The following TMEM132C variants were observed in gnomAD, a reference collection of about 807,000 sequenced individuals.
TMEM132C encodes transmembrane protein 132C.
A neutral mutation model predicts 61.4 loss-of-function variants in TMEM132C; 29 were observed. The observed-to-expected ratio is 0.47, with a 90% CI of 0.35 to 0.64. TMEM132C has a LOEUF of 0.64. Among genes scored for constraint, TMEM132C ranks in the 30% least tolerant of loss-of-function variants. The probability of loss-of-function intolerance (pLI) is 0.00; values close to 1 mark genes in which losing one functional copy is unlikely to be tolerated. For synonymous variants in TMEM132C, 656 were observed against 633.1 expected, an observed-to-expected ratio of 1.04 and a Z score of -0.54; for missense variants, 1,408 against 1,476.9, an observed-to-expected ratio of 0.95 and a Z score of 0.76.
At chr12:128,398,345 ACACT>A (rs1452295388) in intron 1 of TMEM132C, among the ~76,000 whole-genome samples, 1 of 152,218 alleles carries the variant, frequency 6.6e-6, no homozygotes, top group African/African-American at 2.4e-5. Context: ...CCAAGGACTG[ACACT>A]CTCTCTCCGC....
At chr12:128,642,659 C>T (rs1263869387) in intron 4 of TMEM132C, among the ~76,000 whole-genome samples, 1 of 152,204 alleles carries the variant, frequency 6.6e-6, no homozygotes, top group African/African-American at 2.4e-5. Flanking sequence ...CTTTCTGAGG[C>T]TTCCCCAGAG....
chr12:128,424,506 A>T (rs1004717024), intron 2 of TMEM132C, among the ~76,000 whole-genome samples: 11 of 151,486 alleles, frequency 7.3e-5, no homozygotes, highest in South Asian at 2.1e-4. Flanking sequence ...GAATCCATTT[A>T]TATGCAATGC....
chr12:128,382,765 T>C (rs569917468), intron 1 of TMEM132C, among the ~76,000 whole-genome samples: 21 of 152,240 alleles, frequency 1.4e-4, no homozygotes, highest in Non-Finnish European at 2.5e-4. Flanking sequence ...GAACAGATAT[T>C]CTAATTTTCT....
chr12:128,519,659 G>T (rs1019441390), intron 2 of TMEM132C, among the ~76,000 whole-genome samples: 4 of 152,314 alleles, frequency 2.6e-5, no homozygotes, highest in African/African-American at 9.6e-5. Flanking sequence ...ACTGGTAAGG[G>T]AAATGGAATT....
chr12:128,583,181 T>A (rs1179528596), intron 3 of TMEM132C, among the ~76,000 whole-genome samples: 2 of 152,220 alleles, frequency 1.3e-5, no homozygotes, highest in Middle Eastern at 3.2e-3. Context: ...ATCTTTGATC[T>A]TATACTCCTA....
At chr12:128,428,385 C>A (rs896093422) in intron 2 of TMEM132C, among the ~76,000 whole-genome samples, 1 of 152,132 alleles carries the variant, frequency 6.6e-6, no homozygotes, top group Non-Finnish European at 1.5e-5. Context: ...ACATGGTCAC[C>A]CCAAGGGTTC....
intron 3 of TMEM132C, among the ~76,000 whole-genome samples, chr12:128,560,801 T>G (rs1004348363): frequency 1.3e-5 from 2 of 152,238 alleles, no homozygotes; most frequent in African/African-American, 2.4e-5. Flanking sequence ...AACAATATGT[T>G]GAGTTATCTT....
intron 4 of TMEM132C, among the ~76,000 whole-genome samples, chr12:128,654,227 A>G (rs1392302943): frequency 1.3e-5 from 2 of 152,108 alleles, no homozygotes; most frequent in East Asian, 1.9e-4. Flanking sequence ...TGGTGTCCCT[A>G]TAGGTGGGAG....
At position 128,482,245 on chromosome 12, in the gene TMEM132C, G is replaced by A. The variant is rs980505783; in HGVS notation, c.975-61712G>A. ...AGCCTTGCATCCCAGGGATGAAGCC[G>A]ACTTGATCGTGGTGGATAAGCTTTT... On this transcript the variant is annotated intron_variant, in intron 2 of 8. Transcript: ENST00000435159. Among the ~76,000 whole-genome samples, 116 of 152,262 alleles carry A rather than the reference G, an allele frequency of 7.6e-4. 1 individual carries two copies. Among genetic ancestry groups the A allele is most frequent in the Admixed American group, 7.5e-3 (114 of 15,288 alleles).
intron 3 of TMEM132C, among the ~76,000 whole-genome samples, chr12:128,589,314 A>G (rs187836364): frequency 2.0e-5 from 3 of 152,272 alleles, no homozygotes; most frequent in African/African-American, 4.8e-5. Flanking sequence ...CCTTGCCCTC[A>G]GGACCAAGAT....
At chr12:128,428,375 A>G (rs1057369841) in intron 2 of TMEM132C, among the ~76,000 whole-genome samples, 1 of 152,062 alleles carries the variant, frequency 6.6e-6, no homozygotes, top group East Asian at 1.9e-4. Flanking sequence ...CTGGTTCTCT[A>G]CATGGTCACC....
chr12:128,705,578 G>T lies in TMEM132C; in HGVS notation c.2610G>T (p.Lys870Asn). ...ARSLLDNKVV[K>N]NSRADGGRLA... ...CCCTGCTGGACAACAAAGTGGTGAA[G>T]AACAGTCGGGCAGACGGGGGCAGGC... Residue 870 changes from lysine (K) to asparagine (N), a missense_variant, in exon 9 of 9, where the codon AAG (lysine) becomes AAT (asparagine). Lys to Asn is a moderately conservative substitution (Grantham distance 94). Coordinates refer to ENST00000435159, the MANE Select transcript of TMEM132C (RefSeq NM_001136103.3). The T allele has an allele frequency of 6.4e-6, 10 of 1,551,172 alleles. No homozygotes were observed. The highest frequency in any genetic ancestry group is 8.7e-6 in the Non-Finnish European group (10 of 1,146,982).
intron 1 of TMEM132C, among the ~76,000 whole-genome samples, chr12:128,275,619 CT>C (rs1431768531): frequency 2.6e-5 from 4 of 152,124 alleles, no homozygotes; most frequent in African/African-American, 4.8e-5. Flanking sequence ...CCCCCACCCC[CT>C]GGTCCGATGT....
At chr12:128,346,110 A>C (rs538340780) in intron 1 of TMEM132C, among the ~76,000 whole-genome samples, 3 of 151,944 alleles carry the variant, frequency 2.0e-5, no homozygotes, top group Non-Finnish European at 4.4e-5. Context: ...GGGTCCTTAC[A>C]CCCCTGCATA....
At chr12:128,456,966 ATGT>A (rs886431907) in intron 2 of TMEM132C, among the ~76,000 whole-genome samples, 1 of 152,062 alleles carries the variant, frequency 6.6e-6, no homozygotes, top group South Asian at 2.1e-4. Flanking sequence ...GGATTCATCC[ATGT>A]TGTTGCATGT....
At chr12:128,406,484 T>TA (rs1875349564) in intron 1 of TMEM132C, among the ~76,000 whole-genome samples, 1 of 151,960 alleles carries the variant, frequency 6.6e-6, no homozygotes, top group African/African-American at 2.4e-5. Context: ...TGAAAAGATA[T>TA]AAAAAAGAGG....
intron 2 of TMEM132C, among the ~76,000 whole-genome samples, chr12:128,456,311 TA>T (rs1468079153): frequency 6.6e-6 from 1 of 150,868 alleles, no homozygotes; most frequent in Non-Finnish European, 1.5e-5. Flanking sequence ...TTATTTTTAT[TA>T]ACATAATTTA....
At chr12:128,358,843 A>G (rs1318133637) in intron 1 of TMEM132C, among the ~76,000 whole-genome samples, 1 of 152,176 alleles carries the variant, frequency 6.6e-6, no homozygotes, top group African/African-American at 2.4e-5. Flanking sequence ...CCCTGCCCAT[A>G]TACTCATGTT....
intron 3 of TMEM132C, among the ~76,000 whole-genome samples, chr12:128,610,373 A>T (rs542918789): frequency 6.6e-6 from 1 of 152,160 alleles, no homozygotes; most frequent in African/African-American, 2.4e-5. Flanking sequence ...TCACCCCCAG[A>T]CTCAATTTTC....
Sources: gnomAD v4.1 joint callset for allele counts (sites outside exome capture counted in the v4.1 genomes callset) on GRCh38, gnomAD v4.1.1 for gene constraint, MANE v1.5 for transcripts, NCBI Gene and HGNC (gene_info 2026-07-23, HGNC 2026-07-21) for gene names.